Variants in RIMS1 observed in about 807,000 individuals in gnomAD.
The protein encoded by RIMS1 is regulating synaptic membrane exocytosis 1, also known as regulating synaptic membrane exocytosis protein 1.
RIMS1 carries 83 observed loss-of-function variants against 214.1 expected under a neutral mutation model. That is an observed-to-expected ratio of 0.39 (90% CI 0.32 to 0.47). The LOEUF is 0.47. Among genes scored for constraint, RIMS1 ranks in the 20% least tolerant of loss-of-function variants. RIMS1 has a pLI of 0.99. For synonymous variants in RIMS1, 793 were observed against 786.8 expected (o/e 1.01, Z -0.13); for missense variants, 2,050 against 2,161.8 (o/e 0.95, Z 1.03).
intron 4 of RIMS1, among the ~76,000 whole-genome samples, chr6:72,145,217 G>A (rs1433284298): frequency 1.3e-5 from 2 of 152,282 alleles, no homozygotes; most frequent in African/African-American, 4.8e-5. Context: ...ACCTTTTAAA[G>A]CCAAGCCCAG....
intron 24 of RIMS1, among the ~76,000 whole-genome samples, chr6:72,289,045 C>T (rs2092891881): frequency 1.3e-5 from 2 of 152,168 alleles, no homozygotes; most frequent in Admixed American, 1.3e-4. Context: ...GCTTTTTATA[C>T]TTTTGCCATT....
At chr6:72,341,849 A>G (rs976012055) in intron 29 of RIMS1, among the ~76,000 whole-genome samples, 3 of 151,830 alleles carry the variant, frequency 2.0e-5, no homozygotes, top group African/African-American at 7.2e-5. Flanking sequence ...TATTTATTAT[A>G]TCATTAACAG....
At chr6:72,089,397 T>A (rs1198304642) in intron 2 of RIMS1, among the ~76,000 whole-genome samples, 1 of 152,110 alleles carries the variant, frequency 6.6e-6, no homozygotes, top group Non-Finnish European at 1.5e-5. Context: ...ATTTGGACAG[T>A]AGGTTTCTGA....
At chr6:72,204,380 C>T (rs557716195) in intron 6 of RIMS1, among the ~76,000 whole-genome samples, 3 of 152,326 alleles carry the variant, frequency 2.0e-5, no homozygotes, top group Admixed American at 6.5e-5. Flanking sequence ...CAAAAAACTT[C>T]AGCCATGCCC....
At chr6:72,171,541 G>A (rs2047036772) in intron 4 of RIMS1, among the ~76,000 whole-genome samples, 1 of 152,062 alleles carries the variant, frequency 6.6e-6, no homozygotes. Context: ...ACTATGCTAA[G>A]CAATTTAGAT....
rs9442726 is a variant in RIMS1 at position 71,988,421 on chromosome 6, C to T, written c.245+19358C>T. On this transcript the variant is annotated intron_variant, in intron 2 of 33. Coordinates refer to ENST00000521978, the MANE Select transcript of RIMS1 (RefSeq NM_014989.7). ...GTCCATGAGAACTAAATTCAAAATCCGAAATTCTTTACTTAGGAATTAAAA... is the reference window on the plus strand; with the variant it reads ...GTCCATGAGAACTAAATTCAAAATCTGAAATTCTTTACTTAGGAATTAAAA... 3.0e-3 allele frequency among the ~76,000 whole-genome samples: 462 copies of T among 151,844 alleles called. 2 individuals are homozygous for T. The highest frequency in any genetic ancestry group is 0.011 in the African/African-American group (442 of 41,390).
intron 2 of RIMS1, among the ~76,000 whole-genome samples, chr6:72,085,022 G>A (rs137884195): frequency 2.1e-4 from 32 of 152,110 alleles, no homozygotes; most frequent in African/African-American, 7.5e-4. Flanking sequence ...AGCCACCTCT[G>A]AAAACACATT....
In RIMS1 at chr6:72,392,819, C is replaced by A; in HGVS notation, c.4618+9C>A. On this transcript the variant is annotated intron_variant, in intron 31 of 33. Coordinates refer to ENST00000521978, the MANE Select transcript of RIMS1 (RefSeq NM_014989.7). ...TGCCACCCCTGCAATGGGTAAGAAT[C>A]ATTTTTTTTTTCTACAAGAAAATTG... The A allele has an allele frequency of 1.9e-6, 3 of 1,549,122 alleles. No homozygotes were observed. The highest frequency in any genetic ancestry group is 2.6e-6 in the Non-Finnish European group (3 of 1,135,244).
At chr6:72,143,791 G>A (rs1023746632) in intron 4 of RIMS1, among the ~76,000 whole-genome samples, 11 of 152,140 alleles carry the variant, frequency 7.2e-5, no homozygotes, top group Non-Finnish European at 1.3e-4. Flanking sequence ...CTACATTATC[G>A]TATTTTTACG....
chr6:71,927,521 G>A (rs1356651607), intron 1 of RIMS1, among the ~76,000 whole-genome samples: 8 of 152,098 alleles, frequency 5.3e-5, no homozygotes, highest in Admixed American at 6.5e-5. Context: ...GACAAAATTC[G>A]TTGAAATTCT....
At chr6:72,354,747 A>G (rs2097572651) in intron 29 of RIMS1, among the ~76,000 whole-genome samples, 1 of 152,194 alleles carries the variant, frequency 6.6e-6, no homozygotes, top group Non-Finnish European at 1.5e-5. Context: ...CCCATAGAAC[A>G]TCTACCCACA....
rs553014044 is a variant in RIMS1, at chr6:72,283,877, TATTC to T, written c.3483-154_3483-151del. Among the ~76,000 whole-genome samples, 261 of 152,324 alleles carry T rather than the reference TATTC, an allele frequency of 1.7e-3. 6 individuals carry two copies. The South Asian group carries it at 0.046, about 27-fold the overall frequency. The stretch of plus-strand genomic sequence containing the variant: ...TTGGCACCAATTCTGGTTTTCATTT[TATTC>T]ATTCATTCATTCATTTATTTGTTTA... On this transcript the variant is annotated intron_variant, in intron 23 of 33. Coordinates refer to ENST00000521978, the MANE Select transcript of RIMS1 (RefSeq NM_014989.7).
At chr6:72,258,724 T>C (rs2076853662) in intron 17 of RIMS1, among the ~76,000 whole-genome samples, 1 of 152,130 alleles carries the variant, frequency 6.6e-6, no homozygotes. Context: ...TACTCTGATA[T>C]ACACTCCTGA....
At chr6:72,219,290 T>C (rs2057509011) in intron 6 of RIMS1, among the ~76,000 whole-genome samples, 1 of 152,162 alleles carries the variant, frequency 6.6e-6, no homozygotes, top group Admixed American at 6.5e-5. Flanking sequence ...TTTTAAATAC[T>C]TATCATCATG....
intron 2 of RIMS1, among the ~76,000 whole-genome samples, chr6:71,973,840 AAGAGAG>A (rs898852373): frequency 2.0e-5 from 3 of 152,104 alleles, no homozygotes; most frequent in African/African-American, 2.4e-5. Context: ...AGTGGAGAGC[AAGAGAG>A]AGAGAGTGAG....
At chr6:72,139,595 G>A (rs1028711217) in intron 4 of RIMS1, among the ~76,000 whole-genome samples, 1 of 152,094 alleles carries the variant, frequency 6.6e-6, no homozygotes, top group African/African-American at 2.4e-5. Flanking sequence ...GGTCTGGTTA[G>A]TACCTGGCAC....
intron 1 of RIMS1, among the ~76,000 whole-genome samples, chr6:71,946,522 A>C (rs1787854074): frequency 6.6e-6 from 1 of 152,316 alleles, no homozygotes; most frequent in East Asian, 1.9e-4. Flanking sequence ...CTAAGAACAC[A>C]CAATGGGGAA....
intron 1 of RIMS1, among the ~76,000 whole-genome samples, chr6:71,962,567 C>A (rs1488560453): frequency 2.6e-5 from 4 of 152,134 alleles, no homozygotes; most frequent in Non-Finnish European, 5.9e-5. Context: ...ATTCACTTTT[C>A]CCTTATGGTG....
intron 23 of RIMS1, among the ~76,000 whole-genome samples, chr6:72,279,762 C>A (rs376867514): frequency 3.9e-5 from 6 of 151,956 alleles, no homozygotes; most frequent in Admixed American, 3.3e-4. Context: ...GTGTTATCCT[C>A]ATCAACTTAT....
Sources: allele counts gnomAD v4.1 joint callset (sites outside exome capture counted in the v4.1 genomes callset), GRCh38; gene constraint gnomAD v4.1.1; transcripts MANE v1.5; gene names NCBI Gene and HGNC (gene_info 2026-07-23, HGNC 2026-07-21).